ZFYVE16: variants seen among roughly 807,000 people sequenced by gnomAD.
ZFYVE16 encodes the protein zinc finger FYVE-type containing 16.
ZFYVE16 carries 89 observed loss-of-function variants against 138.1 expected under a neutral mutation model. That is an observed-to-expected ratio of 0.64 (90% confidence interval 0.54 to 0.77). The LOEUF (loss-of-function observed/expected upper bound fraction) is 0.77, where lower values mean the gene tolerates loss of function less well. Among genes scored for constraint, ZFYVE16 ranks in the 30% least tolerant of loss-of-function variants. The probability of loss-of-function intolerance (pLI) is 0.00; values close to 1 mark genes in which losing one functional copy is unlikely to be tolerated. For synonymous variants in ZFYVE16, 596 were observed against 618.3 expected, an observed-to-expected ratio of 0.96 and a Z score of 0.53; for missense variants, 1,793 against 1,786.7, an observed-to-expected ratio of 1.00 and a Z score of -0.06.
At chr5:80,451,098 C>T (rs1390171308) in intron 10 of ZFYVE16, among the ~76,000 whole-genome samples, 1 of 152,178 alleles carries the variant, frequency 6.6e-6, no homozygotes, top group Non-Finnish European at 1.5e-5. Flanking sequence ...AGGCATGAGC[C>T]ACTGTGCCTG....
chr5:80,414,724 AGTT>A (rs2112157089), intron 1 of ZFYVE16, among the ~76,000 whole-genome samples: 1 of 152,308 alleles, frequency 6.6e-6, no homozygotes, highest in East Asian at 1.9e-4. Context: ...GGGAGGGAGG[AGTT>A]GTTCAACAGC....
At chr5:80,446,409 T>C (rs1384690123) in intron 7 of ZFYVE16, among the ~76,000 whole-genome samples, 1 of 152,176 alleles carries the variant, frequency 6.6e-6, no homozygotes, top group Admixed American at 6.5e-5. Context: ...GCAGAAATAA[T>C]ATTTTATGAA....
chr5:80,430,257 A>G (rs997066437), intron 2 of ZFYVE16, among the ~76,000 whole-genome samples: 1 of 150,866 alleles, frequency 6.6e-6, no homozygotes, highest in African/African-American at 2.5e-5. Context: ...CCACAGTGCA[A>G]TCAAACTAGA....
chr5:80,463,323 C>T (rs572732225), intron 15 of ZFYVE16, among the ~76,000 whole-genome samples: 15 of 152,320 alleles, frequency 9.8e-5, no homozygotes, highest in African/African-American at 3.6e-4. Flanking sequence ...CCTGTAGGCG[C>T]AACACCACCT....
intron 17 of ZFYVE16, 93 bp from the exon 18 acceptor site, chr5:80,474,570 T>A (rs1365730189): frequency 1.6e-6 from 2 of 1,264,884 alleles, no homozygotes; most frequent in Admixed American, 4.4e-5. Context: ...TCATGGTACT[T>A]ACATTGGAAT....
intron 2 of ZFYVE16, among the ~76,000 whole-genome samples, chr5:80,433,900 A>G (rs1052609807): frequency 1.3e-5 from 2 of 152,160 alleles, no homozygotes; most frequent in Admixed American, 6.5e-5. Context: ...TAGTTTATAT[A>G]TGCAAATATT....
intron 15 of ZFYVE16, among the ~76,000 whole-genome samples, chr5:80,464,745 C>T (rs1580338829): frequency 6.6e-6 from 1 of 151,954 alleles, no homozygotes; most frequent in East Asian, 1.9e-4. Flanking sequence ...TGTTCCTTCC[C>T]TACTGTGTTT....
chr5:80,452,458 A>G (rs1752082871), intron 11 of ZFYVE16: 2 of 151,424 alleles, frequency 1.3e-5, no homozygotes, highest in Admixed American at 1.3e-4. Flanking sequence ...AAAAAAAAAA[A>G]AAGTTACAGA....
chr5:80,476,121 T>C (rs906598862), intron 18 of ZFYVE16, among the ~76,000 whole-genome samples: 1 of 152,076 alleles, frequency 6.6e-6, no homozygotes, highest in Non-Finnish European at 1.5e-5. Flanking sequence ...TATTTGTATT[T>C]TTAGCAGACA....
chr5:80,437,378 G>T lies in ZFYVE16; in HGVS notation c.693G>T (p.Lys231Asn), dbSNP rs1458869652. Reference sequence around the variant, plus strand: ...GAACAGAAAATTTAAAAGATAAAAAGATCTTTAATCAGTTAGAATCAATTG... The same window carrying T: ...GAACAGAAAATTTAAAAGATAAAAATATCTTTAATCAGTTAGAATCAATTG... ...YSGTENLKDKKIFNQLESIVD... is the reference protein window; with the variant it reads ...YSGTENLKDKNIFNQLESIVD... Residue 231 changes from lysine to asparagine, a missense_variant, in exon 4 of 19, where the codon AAG becomes AAT. Physicochemically the swap from Lys to Asn is moderately conservative, Grantham distance 94 (BLOSUM62 0). Transcript: ENST00000505560. 1.1e-5 allele frequency: 17 copies of T among 1,604,544 alleles called. No individual in the cohort carries two copies. Among genetic ancestry groups the T allele is most frequent in the Non-Finnish European group, 1.4e-5 (17 of 1,176,830 alleles).
chr5:80,437,292 G>A lies in ZFYVE16; in HGVS notation c.607G>A (p.Gly203Arg). ...TGAATTACAAAATAGAGAAATCGGAGGAATCAAAGAATTGGGTATAAAAGT... is the reference window on the plus strand; with the variant it reads ...TGAATTACAAAATAGAGAAATCGGAAGAATCAAAGAATTGGGTATAAAAGT... ...SSELQNREIG[G>R]IKELGIKVDT... Residue 203 changes from glycine to arginine, a missense_variant, in exon 4 of 19, where the codon GGA becomes AGA. Gly to Arg is a moderately radical substitution (Grantham distance 125). This residue lies in a region of ZFYVE16 where 1,295 missense variants were observed against 1,204.3 expected (regional missense o/e 1.08). Transcript: ENST00000505560. 5 of 1,608,194 alleles carry A rather than the reference G, an allele frequency of 3.1e-6. No individual in the cohort carries two copies. The highest frequency in any genetic ancestry group is 4.2e-6 in the Non-Finnish European group (5 of 1,177,026).
At chr5:80,459,581 T>A (rs776942865) in intron 15 of ZFYVE16, 87 bp downstream of exon 15, 28 of 1,173,192 alleles carry the variant, frequency 2.4e-5, no homozygotes, top group Non-Finnish European at 3.2e-5. Context: ...CACAAGAACA[T>A]ATGTAAGTTA....
At position 80,480,785 on chromosome 5, in the gene ZFYVE16, G is replaced by C. The variant is rs1157926994; in HGVS notation, c.*3408G>C. ...AATTAAAAAAATTTTGCCAGGTGTG[G>C]TGGCTCATACTTGTGGTCCCAGCTT... On this transcript the variant is annotated 3_prime_UTR_variant, in exon 19 of 19. Transcript: ENST00000505560. Among the ~76,000 whole-genome samples, 8 of 152,094 alleles carry C rather than the reference G, an allele frequency of 5.3e-5. No individual in the cohort carries two copies. The highest frequency in any genetic ancestry group is 1.0e-4 in the Non-Finnish European group (7 of 68,026).
chr5:80,470,088 TG>T (rs1754175472), intron 15 of ZFYVE16, among the ~76,000 whole-genome samples: 1 of 70,360 alleles, frequency 1.4e-5, no homozygotes, highest in African/African-American at 4.0e-5. Context: ...TGTGTGTGTG[TG>T]TGTGTGTGTG....
rs781718854 is a variant in ZFYVE16 at position 80,445,423 on chromosome 5, T to G, written c.2724+18T>G. The G allele has an allele frequency of 1.6e-5, 26 of 1,603,886 alleles. No homozygotes were observed. In the South Asian group the frequency reaches 2.8e-4, roughly 17 times the overall value. Reference sequence around the variant, plus strand: ...TGCCTATGGTAAGGAATTCAAAGAATAACTTAATTGACTAAACAAAATTTT... The same window carrying G: ...TGCCTATGGTAAGGAATTCAAAGAAGAACTTAATTGACTAAACAAAATTTT... On this transcript the variant is annotated intron_variant, in intron 7 of 18. Coordinates refer to ENST00000505560, the MANE Select transcript of ZFYVE16 (RefSeq NM_001284236.3).
chr5:80,412,614 G>C (rs1163281879), intron 1 of ZFYVE16, among the ~76,000 whole-genome samples: 1 of 151,952 alleles, frequency 6.6e-6, no homozygotes, highest in African/African-American at 2.4e-5. Context: ...ATAATGCTTA[G>C]TAGAGCATTG....
intron 11 of ZFYVE16, among the ~76,000 whole-genome samples, chr5:80,453,761 A>C (rs1212720773): frequency 6.6e-6 from 1 of 152,192 alleles, no homozygotes; most frequent in Non-Finnish European, 1.5e-5. Flanking sequence ...TGAAAAAGCT[A>C]ATGTGAAAGT....
intron 10 of ZFYVE16, among the ~76,000 whole-genome samples, chr5:80,450,987 T>C (rs968594978): frequency 6.0e-4 from 91 of 152,018 alleles, no homozygotes; most frequent in Non-Finnish European, 9.0e-4. Flanking sequence ...AATTTTTGTA[T>C]TTTTAGTAGA....
chr5:80,476,493 C>T (rs1754922934), intron 18 of ZFYVE16, among the ~76,000 whole-genome samples: 1 of 152,134 alleles, frequency 6.6e-6, no homozygotes. Context: ...TTTCTCTTAA[C>T]AAGGAGTGAT....
Sources: allele counts gnomAD v4.1 joint callset (sites outside exome capture counted in the v4.1 genomes callset), GRCh38; gene constraint gnomAD v4.1.1; regional missense constraint gnomAD v4.1.1; transcripts MANE v1.5; gene names NCBI Gene and HGNC (gene_info 2026-07-23, HGNC 2026-07-21).